Variants in FBXL4 observed in about 807,000 individuals in gnomAD.
FBXL4 encodes the protein F-box/LRR-repeat protein 4.
A neutral mutation model predicts 58.9 loss-of-function variants in FBXL4; 40 were observed. The ratio of observed to expected loss-of-function variants is 0.68; its 90% CI spans 0.53 to 0.88. The LOEUF is 0.88. Ranked by LOEUF, FBXL4 falls within the 40% of genes least tolerant of loss-of-function variation. The pLI is 0.00. For missense variants in FBXL4, 676 were observed against 734.4 expected, an observed-to-expected ratio of 0.92 and a Z score of 0.92; for synonymous variants, 263 against 265.5, an observed-to-expected ratio of 0.99 and a Z score of 0.09.
intron 8 of FBXL4, among the ~76,000 whole-genome samples, chr6:98,878,613 T>C (rs1770737806): frequency 6.6e-6 from 1 of 152,128 alleles, no homozygotes; most frequent in African/African-American, 2.4e-5. Flanking sequence ...AAATGCTAAC[T>C]TAAAATAATA....
intron 7 of FBXL4, among the ~76,000 whole-genome samples, chr6:98,882,532 A>G (rs1770889735): frequency 6.6e-6 from 1 of 151,970 alleles, no homozygotes; most frequent in Non-Finnish European, 1.5e-5. Flanking sequence ...TTGGTAATTT[A>G]TTTTTAAATT....
chr6:98,877,334 T>G (rs983950582), intron 8 of FBXL4, among the ~76,000 whole-genome samples: 1 of 152,142 alleles, frequency 6.6e-6, no homozygotes. Flanking sequence ...AAAAAAAAAT[T>G]TAAAAACTTT....
At chr6:98,891,717 T>A (rs1771233666) in intron 7 of FBXL4, among the ~76,000 whole-genome samples, 1 of 128,500 alleles carries the variant, frequency 7.8e-6, no homozygotes. Flanking sequence ...AGACCCTATC[T>A]CTACCAAAAA....
intron 7 of FBXL4, among the ~76,000 whole-genome samples, chr6:98,884,806 T>A (rs1380665714): frequency 6.6e-6 from 1 of 152,216 alleles, no homozygotes; most frequent in Non-Finnish European, 1.5e-5. Context: ...TTCCATTTTT[T>A]TCTTCAGTAA....
At chr6:98,914,906 A>G (rs1421762070) in intron 5 of FBXL4, among the ~76,000 whole-genome samples, 2 of 152,214 alleles carry the variant, frequency 1.3e-5, no homozygotes, top group Non-Finnish European at 2.9e-5. Context: ...ACATGATTGT[A>G]TATCTAGAAA....
At chr6:98,896,353 T>G (rs1298135548) in intron 7 of FBXL4, among the ~76,000 whole-genome samples, 2 of 152,226 alleles carry the variant, frequency 1.3e-5, no homozygotes, top group African/African-American at 4.8e-5. Context: ...CCATGAATAC[T>G]AGTGCTGTAG....
chr6:98,937,387 AT>A (rs1773260562), intron 1 of FBXL4, among the ~76,000 whole-genome samples: 1 of 152,206 alleles, frequency 6.6e-6, no homozygotes, highest in African/African-American at 2.4e-5. Context: ...TACCAATAAC[AT>A]AAACAGTTGA....
chr6:98,935,665 T>C (rs1387285661), intron 1 of FBXL4, among the ~76,000 whole-genome samples: 1 of 151,170 alleles, frequency 6.6e-6, no homozygotes, highest in African/African-American at 2.4e-5. Context: ...GGCGGGCGCC[T>C]GTAGTCCCAG....
At position 98,922,483 on chromosome 6, in the gene FBXL4, A is replaced by G. The variant is rs190341866; in HGVS notation, c.512+3994T>C. Among the ~76,000 whole-genome samples, 13 of 152,362 alleles carry G rather than the reference A, an allele frequency of 8.5e-5. No homozygotes were observed. The East Asian group carries it at 2.5e-3, about 29-fold the overall frequency. On this transcript the variant is annotated intron_variant, in intron 4 of 9. Transcript: ENST00000369244. ...ATAAAATTAAAATAATAGACACTGT[A>G]GCCCACTGGGTTCCCAAACAGTAGT... is the stretch of plus-strand genomic sequence containing the variant.
At position 98,929,563 on chromosome 6, in the gene FBXL4, C is replaced by T. The variant is rs550496033; in HGVS notation, c.-190-1741G>A. ...TCCAGCCTGGGCAACAAGAGAAAAA[C>T]TCCGTCTCAAAAAAAAAAAAAAAAG... On this transcript the variant is annotated intron_variant, in intron 2 of 9. Coordinates refer to ENST00000369244, the MANE Select transcript of FBXL4 (RefSeq NM_001278716.2). Among the ~76,000 whole-genome samples the T allele has an allele frequency of 4.9e-4, 68 of 139,608 alleles. 1 individual carries two copies. The South Asian group carries it at 0.01, about 21-fold the overall frequency. The allele number at this position is 139,608 out of a possible 152,430, so 91.6% of individuals were successfully genotyped here.
At chr6:98,891,341 C>T (rs1426196282) in intron 7 of FBXL4, among the ~76,000 whole-genome samples, 3 of 152,100 alleles carry the variant, frequency 2.0e-5, no homozygotes, top group East Asian at 3.9e-4. Context: ...AGAATTTTAG[C>T]TCTAACATAC....
chr6:98,928,349 A>C (rs1456502371), intron 2 of FBXL4, among the ~76,000 whole-genome samples: 1 of 149,994 alleles, frequency 6.7e-6, no homozygotes, highest in Admixed American at 6.6e-5. Context: ...TTTTTTCGAG[A>C]CAGGGTGTCT....
chr6:98,917,724 C>T lies in FBXL4; in HGVS notation c.513-5G>A. The T allele has an allele frequency of 6.5e-7, 1 of 1,548,994 alleles. No individual in the cohort carries two copies. Among genetic ancestry groups the T allele is most frequent in the Non-Finnish European group, 8.7e-7 (1 of 1,148,644 alleles). Reference sequence around the variant, plus strand: ...TCTGACCAAAGAATCTCCCATCTGCCAAAAAAAGAAACTTCCCTATAATAC... The same window carrying T: ...TCTGACCAAAGAATCTCCCATCTGCTAAAAAAAGAAACTTCCCTATAATAC... On this transcript the variant is annotated splice_region_variant and splice_polypyrimidine_tract_variant and intron_variant, in intron 4 of 9. Transcript: ENST00000369244.
At chr6:98,938,041 C>CCTTT (rs1380077013) in intron 1 of FBXL4, among the ~76,000 whole-genome samples, 1 of 121,082 alleles carries the variant, frequency 8.3e-6, no homozygotes, top group Non-Finnish European at 1.7e-5. Flanking sequence ...CCCCTGCACC[C>CCTTT]TTTTTTTTTT....
At chr6:98,879,348 T>A (rs981334767) in intron 8 of FBXL4, among the ~76,000 whole-genome samples, 3 of 152,158 alleles carry the variant, frequency 2.0e-5, no homozygotes, top group African/African-American at 7.2e-5. Context: ...TAAACCTACA[T>A]TGTTTTAGGG....
At chr6:98,935,980 C>T (rs1293189137) in intron 1 of FBXL4, among the ~76,000 whole-genome samples, 2 of 152,036 alleles carry the variant, frequency 1.3e-5, no homozygotes, top group African/African-American at 2.4e-5. Context: ...TAAAGTCATA[C>T]TAATTATGTG....
At chr6:98,890,812 G>A (rs1230170120) in intron 7 of FBXL4, among the ~76,000 whole-genome samples, 4 of 152,018 alleles carry the variant, frequency 2.6e-5, no homozygotes, top group African/African-American at 7.2e-5. Context: ...CCAGCTACTC[G>A]GGAGGCTGCA....
chr6:98,877,127 G>T (rs1390916901), intron 8 of FBXL4, among the ~76,000 whole-genome samples: 1 of 152,040 alleles, frequency 6.6e-6, no homozygotes, highest in South Asian at 2.1e-4. Context: ...CTGCATTTTT[G>T]AGTTAGAACC....
chr6:98,893,449 C>T lies in FBXL4; in HGVS notation c.1317+5819G>A, dbSNP rs547994133. On this transcript the variant is annotated intron_variant, in intron 7 of 9. Transcript: ENST00000369244. ...CTTCCTTGTGTGTGTGTCCCCTAAT[C>T]TCCTCTTCCTTAAGGACACCAGTCA... 1.1e-4 allele frequency among the ~76,000 whole-genome samples: 16 copies of T among 152,218 alleles called. No homozygotes were observed. The South Asian group carries it at 3.3e-3, about 32-fold the overall frequency.
Sources: gnomAD v4.1 joint callset for allele counts (sites outside exome capture counted in the v4.1 genomes callset) on GRCh38, gnomAD v4.1.1 for gene constraint, MANE v1.5 for transcripts, NCBI Gene and HGNC (gene_info 2026-07-23, HGNC 2026-07-21) for gene names.